PRSS12: variants seen among roughly 807,000 people sequenced by gnomAD.
PRSS12 encodes the protein serine protease 12, also known as neurotrypsin.
Under a neutral mutation model 104.4 loss-of-function variants are expected in PRSS12, and 85 were observed. That is an observed-to-expected ratio of 0.81 (90% CI 0.68 to 0.98). PRSS12 has a LOEUF of 0.98. Ranked by LOEUF, PRSS12 falls within the 50% of genes least tolerant of loss-of-function variation. The pLI is 0.00. For synonymous variants in PRSS12, 454 were observed against 425.2 expected, an observed-to-expected ratio of 1.07 and a Z score of -0.83; for missense variants, 1,141 against 1,139.2, an observed-to-expected ratio of 1.00 and a Z score of -0.02.
At chr4:118,336,569 T>C (rs2126042191) in intron 2 of PRSS12, among the ~76,000 whole-genome samples, 1 of 152,344 alleles carries the variant, frequency 6.6e-6, no homozygotes, top group African/African-American at 2.4e-5. Context: ...TTCCTTTTTT[T>C]TTTAAATGGA....
chr4:118,323,776 CTAGAAATGAATAA>C (rs1723693317), intron 4 of PRSS12, among the ~76,000 whole-genome samples: 2 of 151,682 alleles, frequency 1.3e-5, no homozygotes, highest in African/African-American at 4.8e-5. Flanking sequence ...AAAAAAACTC[CTAGAAATGAATAA>C]TAGTAATAAC....
At chr4:118,334,436 G>C (rs1578934218) in intron 3 of PRSS12, among the ~76,000 whole-genome samples, 2 of 152,164 alleles carry the variant, frequency 1.3e-5, no homozygotes, top group Middle Eastern at 6.8e-3. Flanking sequence ...ATTGGGCCCA[G>C]TTCACATCAT....
chr4:118,301,734 A>G (rs916551450), intron 8 of PRSS12, among the ~76,000 whole-genome samples: 1 of 152,158 alleles, frequency 6.6e-6, no homozygotes, highest in Non-Finnish European at 1.5e-5. Context: ...TAACTTCTAC[A>G]GATCTGTTTT....
intron 2 of PRSS12, among the ~76,000 whole-genome samples, chr4:118,336,601 T>C (rs1307411000): frequency 1.3e-5 from 2 of 152,204 alleles, no homozygotes; most frequent in Non-Finnish European, 2.9e-5. Context: ...TGATACTATA[T>C]AAGCAGCTGG....
intron 8 of PRSS12, among the ~76,000 whole-genome samples, chr4:118,304,408 T>G (rs2126030840): frequency 6.6e-6 from 1 of 152,142 alleles, no homozygotes; most frequent in East Asian, 1.9e-4. Context: ...GTGGTATAAC[T>G]GTTTTATATT....
At chr4:118,318,196 A>T (rs945332022) in intron 5 of PRSS12, among the ~76,000 whole-genome samples, 182 bp downstream of exon 5, 4 of 152,208 alleles carry the variant, frequency 2.6e-5, no homozygotes, top group African/African-American at 9.6e-5. Context: ...AAAATTCAGG[A>T]ATAACTATGA....
At chr4:118,331,286 A>G (rs1056564644) in intron 4 of PRSS12, among the ~76,000 whole-genome samples, 5 of 152,208 alleles carry the variant, frequency 3.3e-5, no homozygotes, top group African/African-American at 1.2e-4. Context: ...ATTAATAAAT[A>G]TCCTTTGTTC....
At chr4:118,303,282 T>C (rs553656720) in intron 8 of PRSS12, 10 of 151,012 alleles carry the variant, frequency 6.6e-5, no homozygotes, top group African/African-American at 1.5e-4. Flanking sequence ...TAAAGCATGA[T>C]AAATAACATA....
Position 118,352,467 on chromosome 4 carries a change from G to C in PRSS12, c.254C>G (p.Thr85Arg). Residue 85 changes from threonine (T) to arginine (R), a missense_variant, in exon 1 of 13, where the codon ACG becomes AGG. Coordinates refer to ENST00000296498, the MANE Select transcript of PRSS12 (RefSeq NM_003619.4). ...GCAGCCCCAGGGGTGCGGCCGGGGC[G>C]TGTGCCCGGCCTGGAGGGCGTGCGG... ...QRPHALQAGH[T>R]PRPHPWGCPA... The C allele has an allele frequency of 7.2e-7, 1 of 1,396,852 alleles. No homozygotes were observed. The highest frequency in any genetic ancestry group is 9.2e-7 in the Non-Finnish European group (1 of 1,082,786). 86.5% of individuals were successfully genotyped at this position (1,396,852 alleles called of 1,614,324 possible). A position where few individuals can be genotyped will look rare whatever the true frequency, so the allele number is the denominator to read the frequency against.
intron 1 of PRSS12, among the ~76,000 whole-genome samples, chr4:118,350,449 C>G (rs985675290): frequency 3.9e-5 from 6 of 152,196 alleles, no homozygotes; most frequent in African/African-American, 1.4e-4. Flanking sequence ...GAGATTGAGT[C>G]TGTGAAAGTA....
At chr4:118,347,957 T>C (rs1158539482) in intron 1 of PRSS12, among the ~76,000 whole-genome samples, 1 of 152,164 alleles carries the variant, frequency 6.6e-6, no homozygotes, top group Non-Finnish European at 1.5e-5. Context: ...TGGGCAGCCA[T>C]GGTAGCTCAT....
rs761806210 is a variant in PRSS12, at chr4:118,282,835, G to C, written c.2316C>G (p.Asp772Glu). 6.2e-7 allele frequency: 1 copy of C among 1,613,952 alleles called. No homozygotes were observed. The highest frequency in any genetic ancestry group is 1.3e-5 in the African/African-American group (1 of 74,882). Residue 772 changes from aspartate to glutamate, a missense_variant, in exon 12 of 13, where the codon GAC (aspartate) becomes GAG (glutamate). By Grantham distance (45) the Asp-to-Glu change is conservative (BLOSUM62 2). Coordinates refer to ENST00000296498, the MANE Select transcript of PRSS12 (RefSeq NM_003619.4). ...CTTTTTTTGATTATGCCTTACCTGT[G>C]TCACCCCATCCTGTTATGTAACAGT... ...ASNCYITGWG[D>E]TGRAYSRTLQ...
At chr4:118,336,264 C>G (rs1724063400) in intron 2 of PRSS12, among the ~76,000 whole-genome samples, 1 of 152,206 alleles carries the variant, frequency 6.6e-6, no homozygotes, top group Non-Finnish European at 1.5e-5. Flanking sequence ...ACATGCATCT[C>G]TTTCCTAACA....
Position 118,335,658 on chromosome 4 carries a change from G to C in PRSS12, c.642-7C>G. The C allele has an allele frequency of 6.2e-7, 1 of 1,613,506 alleles. No homozygotes were observed. Among genetic ancestry groups the C allele is most frequent in the Non-Finnish European group, 8.5e-7 (1 of 1,179,568 alleles). Reference sequence around the variant, plus strand: ...TTTTGCTATTCCTTTTCCTCTGGAAGTACAATGAGCGATATTAGGTTTATC... The same window carrying C: ...TTTTGCTATTCCTTTTCCTCTGGAACTACAATGAGCGATATTAGGTTTATC... On this transcript the variant is annotated splice_region_variant and splice_polypyrimidine_tract_variant and intron_variant, in intron 2 of 12. Transcript: ENST00000296498.
intron 1 of PRSS12, among the ~76,000 whole-genome samples, chr4:118,351,777 G>A (rs1198395405): frequency 6.6e-6 from 1 of 152,130 alleles, no homozygotes; most frequent in East Asian, 1.9e-4. Flanking sequence ...AGAATGGAGG[G>A]AAGGTTATTG....
chr4:118,305,089 C>T (rs535064645), intron 8 of PRSS12, among the ~76,000 whole-genome samples: 1 of 148,954 alleles, frequency 6.7e-6, no homozygotes, highest in African/African-American at 2.5e-5. Context: ...TAGTCACATA[C>T]CTGTTTATAA....
intron 1 of PRSS12, 51 bp downstream of exon 1, chr4:118,352,168 A>T: frequency 6.2e-7 from 1 of 1,604,984 alleles, no homozygotes; most frequent in African/African-American, 1.3e-5. Flanking sequence ...CCCAAGCCTC[A>T]CTGGCTCCGA....
chr4:118,312,904 T>C (rs942854350), intron 7 of PRSS12: 1 of 402,224 alleles, frequency 2.5e-6, no homozygotes, highest in South Asian at 2.4e-5. Flanking sequence ...GTAAGGGGAA[T>C]AGATACTGCA....
chr4:118,306,306 T>C (rs543683417), intron 8 of PRSS12, among the ~76,000 whole-genome samples: 1 of 152,214 alleles, frequency 6.6e-6, no homozygotes, highest in Non-Finnish European at 1.5e-5. Flanking sequence ...AAATGTTAAA[T>C]GGACTAAATG....
Sources: gnomAD v4.1 joint callset for allele counts (sites outside exome capture counted in the v4.1 genomes callset) on GRCh38, gnomAD v4.1.1 for gene constraint, MANE v1.5 for transcripts, NCBI Gene and HGNC (gene_info 2026-07-23, HGNC 2026-07-21) for gene names.